KDM3B: variants seen among roughly 807,000 people sequenced by gnomAD.
The protein encoded by KDM3B is lysine-specific demethylase 3B.
KDM3B carries 10 observed loss-of-function variants against 170.0 expected under a neutral mutation model. The ratio of observed to expected loss-of-function variants is 0.06; its 90% CI spans 0.04 to 0.10. The LOEUF is 0.10. Among genes scored for constraint, KDM3B ranks in the 10% least tolerant of loss-of-function variants. KDM3B has a pLI of 1.00. For missense variants in KDM3B, 1,394 were observed against 2,195.2 expected (o/e 0.64, Z 7.29); for synonymous variants, 831 against 834.8 (o/e 1.00, Z 0.08).
intron 12 of KDM3B, among the ~76,000 whole-genome samples, chr5:138,416,971 C>T (rs1347408905): frequency 1.3e-5 from 2 of 152,184 alleles, no homozygotes; most frequent in Non-Finnish European, 2.9e-5. Context: ...CAGGCACGCA[C>T]CATCATGCCC....
intron 13 of KDM3B, 32 bp from the exon 14 acceptor site, chr5:138,418,921 C>G (rs754212625): frequency 6.9e-6 from 11 of 1,603,288 alleles, no homozygotes; most frequent in Middle Eastern, 1.7e-4. Flanking sequence ...CCAAGCACAG[C>G]ACTCTAATTA....
At position 138,372,822 on chromosome 5, in the gene KDM3B, T is replaced by A. The variant is rs376835729; in HGVS notation, c.341T>A (p.Ile114Asn). ...CTTCTCCAGGGCATTCGAGTCTCCA[T>A]TGCACAATGGCCAGCCCTGGTGAGT... ...PVLLQGIRVSIAQWPALTFTP... is the reference protein window; with the variant it reads ...PVLLQGIRVSNAQWPALTFTP... The change falls in exon 2 of 24, where the codon ATT (isoleucine) becomes AAT (asparagine). Residue 114 changes from isoleucine to asparagine, a missense_variant. By Grantham distance (149) the Ile-to-Asn change is moderately radical. Transcript: ENST00000314358. 6.2e-7 allele frequency: 1 copy of A among 1,613,940 alleles called. No individual in the cohort carries two copies. Among genetic ancestry groups the A allele is most frequent in the Non-Finnish European group, 8.5e-7 (1 of 1,179,976 alleles).
chr5:138,352,959 T>C lies in KDM3B; in HGVS notation c.164T>C (p.Met55Thr). The change falls in exon 1 of 24, where the codon ATG (methionine) becomes ACG (threonine). Residue 55 changes from methionine (M) to threonine (T), a missense_variant. By Grantham distance (81) the Met-to-Thr change is moderately conservative. Transcript: ENST00000314358. ...RAWRAGTVRA[M>T]SGAVPQDLAI... Reference sequence around the variant, plus strand: ...TGGCGGGCCGGCACGGTGCGGGCCATGAGCGGGGCGGTGCCCCAGGACCTA... The same window carrying C: ...TGGCGGGCCGGCACGGTGCGGGCCACGAGCGGGGCGGTGCCCCAGGACCTA... 7.9e-7 allele frequency: 1 copy of C among 1,261,408 alleles called. No homozygotes were observed. Among genetic ancestry groups the C allele is most frequent in the Non-Finnish European group, 9.9e-7 (1 of 1,007,098 alleles). 78.1% of individuals were successfully genotyped at this position (1,261,408 alleles called of 1,614,324 possible). A position where few individuals can be genotyped will look rare whatever the true frequency, so the allele number is the denominator to read the frequency against.
intron 11 of KDM3B, among the ~76,000 whole-genome samples, chr5:138,411,507 C>A (rs968144758): frequency 1.3e-5 from 2 of 152,028 alleles, no homozygotes; most frequent in African/African-American, 2.4e-5. Context: ...TGGCTTGCCG[C>A]CCACAAACCT....
In KDM3B at chr5:138,420,729, C is replaced by T; in HGVS notation, c.3739C>T (p.Leu1247Phe). ...TKEAGSLRSV[L>F]NKESHSPFGL... is the part of the protein sequence containing the mutation. Reference sequence around the variant, plus strand: ...AGAAGCAGGGTCCCTGAGGTCGGTGCTCAATAAAGAGTCTCATTCACCCTT... The same window carrying T: ...AGAAGCAGGGTCCCTGAGGTCGGTGTTCAATAAAGAGTCTCATTCACCCTT... The change falls in exon 15 of 24, where the codon CTC (leucine) becomes TTC (phenylalanine). Residue 1247 changes from leucine to phenylalanine, a missense_variant. Leu to Phe is a conservative substitution (Grantham distance 22, BLOSUM62 0). Transcript: ENST00000314358. The T allele has an allele frequency of 6.2e-7, 1 of 1,614,108 alleles. No homozygotes were observed. The highest frequency in any genetic ancestry group is 8.5e-7 in the Non-Finnish European group (1 of 1,180,030).
chr5:138,425,057 C>T (rs1414655920), intron 16 of KDM3B, among the ~76,000 whole-genome samples: 1 of 152,178 alleles, frequency 6.6e-6, no homozygotes, highest in African/African-American at 2.4e-5. Context: ...AGTTTAAAAA[C>T]TTTAGCAGGT....
chr5:138,382,237 CA>C (rs1466789818), intron 6 of KDM3B, among the ~76,000 whole-genome samples: 4 of 151,772 alleles, frequency 2.6e-5, no homozygotes, highest in Admixed American at 1.3e-4. Flanking sequence ...CACCTGAGGT[CA>C]GGAATTCAAG....
intron 14 of KDM3B, among the ~76,000 whole-genome samples, chr5:138,419,942 G>A (rs1361987737): frequency 6.6e-6 from 1 of 152,008 alleles, no homozygotes; most frequent in Non-Finnish European, 1.5e-5. Context: ...CTGGAGTGCA[G>A]TGGCGCGATC....
intron 1 of KDM3B, among the ~76,000 whole-genome samples, chr5:138,366,054 A>G (rs73255866): frequency 0.01 from 1,595 of 152,160 alleles, 35 homozygotes; most frequent in African/African-American, 0.037. Flanking sequence ...TGAGGCTAAA[A>G]TACTGTTCAC....
chr5:138,429,426 G>A (rs140036740), intron 20 of KDM3B, among the ~76,000 whole-genome samples: 93 of 152,134 alleles, frequency 6.1e-4, no homozygotes, highest in Middle Eastern at 3.4e-3. Context: ...AGCATTAAAA[G>A]CCAACCCTCT....
intron 1 of KDM3B, among the ~76,000 whole-genome samples, chr5:138,358,855 C>T (rs1231114881): frequency 1.3e-5 from 2 of 151,324 alleles, no homozygotes; most frequent in Non-Finnish European, 2.9e-5. Flanking sequence ...AGGTTAGTTA[C>T]ACGTGTATAC....
At position 138,362,551 on chromosome 5, in the gene KDM3B, T is replaced by TACACACAC. The variant is rs370412367; in HGVS notation, c.192+9592_192+9599dup. On this transcript the variant is annotated intron_variant, in intron 1 of 23. Coordinates refer to ENST00000314358, the MANE Select transcript of KDM3B (RefSeq NM_016604.4). ...GGATATATATATACATATATGTGTATACACACACACACACACACACACACA... is the reference window on the plus strand; with the variant it reads ...GGATATATATATACATATATGTGTATACACACACACACACACACACACACACACACACA... Among the ~76,000 whole-genome samples, 125 of 124,706 alleles carry TACACACAC rather than the reference T, an allele frequency of 1.0e-3. 1 individual carries two copies. The highest frequency in any genetic ancestry group is 2.9e-3 in the African/African-American group (107 of 36,540). The allele number at this position is 124,706 out of a possible 152,430, so 81.8% of individuals were successfully genotyped here.
At chr5:138,361,008 T>C (rs1761594508) in intron 1 of KDM3B, among the ~76,000 whole-genome samples, 1 of 152,186 alleles carries the variant, frequency 6.6e-6, no homozygotes, top group Non-Finnish European at 1.5e-5. Flanking sequence ...TTGTAGTTTA[T>C]TTATTTAGTT....
At chr5:138,390,213 AG>A (rs2126948457) in intron 7 of KDM3B, among the ~76,000 whole-genome samples, 1 of 152,194 alleles carries the variant, frequency 6.6e-6, no homozygotes, top group East Asian at 1.9e-4. Flanking sequence ...TGAAGGTAAA[AG>A]AAGGAAAGGG....
chr5:138,419,668 A>AAAAT lies in KDM3B; in HGVS notation c.3715+437_3715+438insAATA, dbSNP rs1408643891. Among the ~76,000 whole-genome samples, 226 of 109,222 alleles carry AAAAT rather than the reference A, an allele frequency of 2.1e-3. 12 individuals carry two copies. The highest frequency in any genetic ancestry group is 9.1e-3 in the East Asian group (37 of 4,046). The allele number at this position is 109,222 out of a possible 152,430, so 71.7% of individuals were successfully genotyped here. A position where few individuals can be genotyped will look rare whatever the true frequency, so the allele number is the denominator to read the frequency against. On this transcript the variant is annotated intron_variant, in intron 14 of 23. Transcript: ENST00000314358. ...ACTCTGTCTCAAAAAAAAAAAAAAA[A>AAAAT]ATATATATATATATATATATACATA... is the stretch of plus-strand genomic sequence containing the variant.
rs879495831 is a variant in KDM3B, at chr5:138,436,138, A to G, written c.*438A>G. The G allele has an allele frequency of 1.5e-4, 26 of 177,712 alleles. No individual in the cohort carries two copies. Among genetic ancestry groups the G allele is most frequent in the Middle Eastern group, 4.9e-3 (2 of 410 alleles). 11.0% of individuals were successfully genotyped at this position (177,712 alleles called of 1,614,324 possible). On this transcript the variant is annotated 3_prime_UTR_variant, in exon 24 of 24. Coordinates refer to ENST00000314358, the MANE Select transcript of KDM3B (RefSeq NM_016604.4). Reference sequence around the variant, plus strand: ...CTTAAACATGCCTGGTGGAAGTCTGATAGCGTCTCTGCACGTGACCTCTGA... The same window carrying G: ...CTTAAACATGCCTGGTGGAAGTCTGGTAGCGTCTCTGCACGTGACCTCTGA...
At chr5:138,387,945 G>A (rs1192068996) in intron 7 of KDM3B, among the ~76,000 whole-genome samples, 2 of 152,070 alleles carry the variant, frequency 1.3e-5, no homozygotes, top group Non-Finnish European at 2.9e-5. Context: ...GCCGGGCGTG[G>A]CGGCGTGCAC....
intron 6 of KDM3B, among the ~76,000 whole-genome samples, chr5:138,384,309 A>G (rs1025713708): frequency 2.0e-5 from 3 of 151,730 alleles, no homozygotes; most frequent in East Asian, 1.9e-4. Context: ...CTTGAATGAA[A>G]GGTTTAGAGG....
chr5:138,412,619 A>T (rs1763001707), intron 11 of KDM3B, among the ~76,000 whole-genome samples: 1 of 151,904 alleles, frequency 6.6e-6, no homozygotes, highest in African/African-American at 2.4e-5. Flanking sequence ...GTGCCATTAC[A>T]CTCCAGCCTG....
Sources: allele counts gnomAD v4.1 joint callset (sites outside exome capture counted in the v4.1 genomes callset), GRCh38; gene constraint gnomAD v4.1.1; transcripts MANE v1.5; gene names NCBI Gene and HGNC (gene_info 2026-07-23, HGNC 2026-07-21).